EPHA7: variants seen among roughly 807,000 people sequenced by gnomAD.
The protein encoded by EPHA7 is EPH receptor A7.
In EPHA7, 25 loss-of-function variants were observed where a neutral mutation model predicts 112.6. The ratio of observed to expected loss-of-function variants is 0.22; its 90% confidence interval spans 0.16 to 0.31. The LOEUF (loss-of-function observed/expected upper bound fraction) is 0.31, where lower values mean the gene tolerates loss of function less well. EPHA7 is among the 10% of genes least tolerant of loss of function. The pLI is 1.00. For missense variants in EPHA7, 962 were observed against 1,212.6 expected (o/e 0.79, Z 3.07); for synonymous variants, 437 against 406.5 (o/e 1.07, Z -0.90).
chr6:93,279,652 A>C (rs1475434102), intron 5 of EPHA7, among the ~76,000 whole-genome samples: 1 of 152,144 alleles, frequency 6.6e-6, no homozygotes, highest in Non-Finnish European at 1.5e-5. Flanking sequence ...GAGCAGTGCC[A>C]CTCAAAGTGC....
chr6:93,297,910 T>C (rs904951664), intron 5 of EPHA7, among the ~76,000 whole-genome samples: 2 of 152,164 alleles, frequency 1.3e-5, no homozygotes, highest in Non-Finnish European at 1.5e-5. Flanking sequence ...TTATATGTAA[T>C]TGCCCATTGA....
In EPHA7 at chr6:93,410,693, T is replaced by C. The variant is rs532369845; in HGVS notation, c.640A>G (p.Ile214Val). 21 of 1,614,060 alleles carry C rather than the reference T, an allele frequency of 1.3e-5. No homozygotes were observed. The highest frequency in any genetic ancestry group is 1.6e-4 in the Middle Eastern group (1 of 6,062). Residue 214 changes from isoleucine (I) to valine (V), a missense_variant, in exon 3 of 17, where the codon ATC becomes GTC. This residue lies in a region of EPHA7 where 160 missense variants were observed against 263.6 expected (regional missense o/e 0.61). Coordinates refer to ENST00000369303, the MANE Select transcript of EPHA7 (RefSeq NM_004440.4). The surrounding 1 kb of genome is among the most constrained non-coding windows in gnomAD (Gnocchi z 4.0). ...GAACCAGTCACTGTATCTGGAAAGA[T>C]AGCTAAGTTCTCAATAATGGACCAG... ...KCWSIIENLA[I>V]FPDTVTGSEF... is the part of the protein sequence containing the mutation.
chr6:93,349,760 T>C (rs1775595164), intron 5 of EPHA7, among the ~76,000 whole-genome samples: 1 of 151,894 alleles, frequency 6.6e-6, no homozygotes, highest in South Asian at 2.1e-4. Flanking sequence ...AATATACAAA[T>C]TTAAATGGAA....
At chr6:93,361,312 T>C (rs932885670) in intron 3 of EPHA7, among the ~76,000 whole-genome samples, 5 of 152,002 alleles carry the variant, frequency 3.3e-5, no homozygotes, top group Admixed American at 2.6e-4. Context: ...TTTAGAGTTA[T>C]TAAAAGTAAG....
chr6:93,318,432 A>G (rs1773910917), intron 5 of EPHA7, among the ~76,000 whole-genome samples: 1 of 152,114 alleles, frequency 6.6e-6, no homozygotes, highest in South Asian at 2.1e-4. Context: ...AGGTTGGCAG[A>G]TAAGAACAAT....
In EPHA7 at chr6:93,272,241, G is replaced by A; in HGVS notation, c.1449+57C>T. ...ATGACCAACTTTAGTCTACAATACA[G>A]TAGGATGACATGAGACACACAGCAC... On this transcript the variant is annotated intron_variant, in intron 6 of 16. Transcript: ENST00000369303. The A allele has an allele frequency of 1.9e-6, 3 of 1,600,114 alleles. No individual in the cohort carries two copies. In the Admixed American group the frequency reaches 5.0e-5, roughly 27 times the overall value.
intron 5 of EPHA7, among the ~76,000 whole-genome samples, chr6:93,330,747 T>C (rs565128838): frequency 1.1e-3 from 171 of 151,466 alleles, no homozygotes; most frequent in African/African-American, 3.6e-3. Flanking sequence ...ACAGTAAACA[T>C]AGGGGTGCAG....
chr6:93,387,718 G>T (rs1777684448), intron 3 of EPHA7, among the ~76,000 whole-genome samples: 1 of 152,026 alleles, frequency 6.6e-6, no homozygotes, highest in African/African-American at 2.4e-5. Flanking sequence ...CATGGCAGCA[G>T]GAGAGAGAAT....
intron 3 of EPHA7, among the ~76,000 whole-genome samples, chr6:93,387,706 C>G (rs1358949067): frequency 2.0e-5 from 3 of 152,042 alleles, no homozygotes; most frequent in Non-Finnish European, 2.9e-5. Context: ...TATCCTTCTT[C>G]ACATGGCAGC....
intron 6 of EPHA7, among the ~76,000 whole-genome samples, chr6:93,271,271 C>T (rs1771204049): frequency 6.6e-6 from 1 of 150,974 alleles, no homozygotes; most frequent in Admixed American, 6.6e-5. Context: ...ATATTTTAAA[C>T]TAATTTTTCT....
intron 5 of EPHA7, among the ~76,000 whole-genome samples, chr6:93,281,529 A>G (rs896039878): frequency 2.0e-5 from 3 of 152,148 alleles, no homozygotes; most frequent in African/African-American, 7.2e-5. Context: ...TATGGCCTAC[A>G]ACCAGACTCC....
At chr6:93,251,007 T>C (rs1380521956) in intron 14 of EPHA7, among the ~76,000 whole-genome samples, 2 of 152,060 alleles carry the variant, frequency 1.3e-5, no homozygotes, top group Admixed American at 1.3e-4. Context: ...AGGAACACAG[T>C]AAGACCCCAT....
At chr6:93,373,561 T>C (rs1347605377) in intron 3 of EPHA7, among the ~76,000 whole-genome samples, 4 of 152,144 alleles carry the variant, frequency 2.6e-5, no homozygotes. Flanking sequence ...CTCTGGAATC[T>C]GATATTTCAT....
chr6:93,387,916 T>TAGACAGACAGAC (rs1554189075), intron 3 of EPHA7, among the ~76,000 whole-genome samples: 11 of 76,072 alleles, frequency 1.4e-4, no homozygotes, highest in Non-Finnish European at 1.3e-4. Context: ...CCATCTTAGA[T>TAGACAGACAGAC]AGATAGACAG....
intron 14 of EPHA7, among the ~76,000 whole-genome samples, chr6:93,249,968 AC>A (rs1770132623): frequency 6.6e-6 from 1 of 152,320 alleles, no homozygotes; most frequent in Admixed American, 6.5e-5. Context: ...CTACTGCATT[AC>A]AGAAATTTAA....
Position 93,410,610 on chromosome 6 carries a change from T to G in EPHA7, c.723A>C (p.Glu241Asp), listed in dbSNP as rs374346880. 2 of 1,614,042 alleles carry G rather than the reference T, an allele frequency of 1.2e-6. No individual in the cohort carries two copies. The highest frequency in any genetic ancestry group is 1.7e-6 in the Non-Finnish European group (2 of 1,179,960). Reference protein sequence around the residue: ...RGTCVSSAEEEAENAPRMHCS... With the variant: ...RGTCVSSAEEDAENAPRMHCS... ...AGTGCATCCTGGGGGCGTTTTCCGC[T>G]TCTTCCTCTGCACTGCTGACACATG... is the stretch of plus-strand genomic sequence containing the variant. The change falls in exon 3 of 17, where the codon GAA (glutamate) becomes GAC (aspartate). Residue 241 changes from glutamate to aspartate, a missense_variant. Physicochemically the swap from Glu to Asp is conservative, Grantham distance 45. Around this residue, in one of 3 missense-constraint regions of EPHA7, gnomAD observed 160 missense variants for 263.6 expected, o/e 0.61. Transcript: ENST00000369303. This position sits in a 1 kb window ranked among gnomAD's most constrained non-coding sequence, Gnocchi z 4.0.
intron 9 of EPHA7, among the ~76,000 whole-genome samples, chr6:93,262,990 C>T (rs1054073200): frequency 2.0e-5 from 3 of 151,172 alleles, no homozygotes; most frequent in Non-Finnish European, 4.5e-5. Context: ...ACAATTCTTA[C>T]ATCTTATGTC....
intron 5 of EPHA7, among the ~76,000 whole-genome samples, chr6:93,337,225 T>A (rs755484508): frequency 3.3e-5 from 5 of 152,200 alleles, no homozygotes; most frequent in Non-Finnish European, 4.4e-5. Flanking sequence ...TGCTCAATAA[T>A]GTCAAAGATT....
chr6:93,309,090 A>G (rs532370040), intron 5 of EPHA7, among the ~76,000 whole-genome samples: 1 of 152,212 alleles, frequency 6.6e-6, no homozygotes, highest in African/African-American at 2.4e-5. Flanking sequence ...CTGGGATTAC[A>G]GGCATGTGTC....
Sources: gnomAD v4.1 joint callset for allele counts (sites outside exome capture counted in the v4.1 genomes callset) on GRCh38, gnomAD v4.1.1 for gene constraint, gnomAD v4.1.1 regional missense constraint, Gnocchi (gnomAD v3.1) non-coding constraint, MANE v1.5 for transcripts, NCBI Gene and HGNC (gene_info 2026-07-23, HGNC 2026-07-21) for gene names.